The following SPON1 variants were observed in gnomAD, a reference collection of about 807,000 sequenced individuals.
The protein encoded by SPON1 is spondin 1.
A neutral mutation model predicts 111.7 loss-of-function variants in SPON1; 52 were observed. The observed-to-expected ratio is 0.47, with a 90% CI of 0.37 to 0.59. SPON1 has a LOEUF of 0.59. SPON1 is among the 20% of genes least tolerant of loss of function. The pLI is 0.00. For missense variants in SPON1, 957 were observed against 1,068.5 expected (o/e 0.90, Z 1.46); for synonymous variants, 410 against 395.8 (o/e 1.04, Z -0.43).
At chr11:14,101,323 C>T (rs1207732356) in intron 5 of SPON1, among the ~76,000 whole-genome samples, 1 of 152,052 alleles carries the variant, frequency 6.6e-6, no homozygotes, top group Non-Finnish European at 1.5e-5. Context: ...TTGCTTGAAC[C>T]CACGAGGCAG....
intron 2 of SPON1, among the ~76,000 whole-genome samples, chr11:13,996,711 G>GTGTGTATATATATATATA (rs535844829): frequency 6.9e-6 from 1 of 145,142 alleles, no homozygotes; most frequent in African/African-American, 2.8e-5. Flanking sequence ...ACCTATGTGT[G>GTGTGTATATATATATATA]TATATATATA....
chr11:14,264,906 TG>T (rs1554942308), intron 15 of SPON1, among the ~76,000 whole-genome samples: 1 of 152,134 alleles, frequency 6.6e-6, no homozygotes, highest in African/African-American at 2.4e-5. Flanking sequence ...GCCAAGTACT[TG>T]GGGAGTAAGG....
intron 2 of SPON1, among the ~76,000 whole-genome samples, chr11:14,022,340 C>T (rs1410820098): frequency 2.0e-5 from 3 of 152,140 alleles, no homozygotes; most frequent in East Asian, 1.9e-4. Context: ...ATGGAGGATT[C>T]GAATGTGCTT....
At chr11:14,256,854 G>T (rs782806816) in intron 10 of SPON1, among the ~76,000 whole-genome samples, 162 bp downstream of exon 10, 3 of 152,160 alleles carry the variant, frequency 2.0e-5, no homozygotes, top group African/African-American at 4.8e-5. Context: ...CAAGGCCAAG[G>T]TTAGGCCCAA....
intron 6 of SPON1, among the ~76,000 whole-genome samples, chr11:14,145,419 T>C (rs1847705678): frequency 6.6e-6 from 1 of 152,206 alleles, no homozygotes; most frequent in Admixed American, 6.5e-5. Flanking sequence ...AAATATCTAT[T>C]TTTACAGTAA....
chr11:14,104,794 A>C (rs1265020129), intron 5 of SPON1, among the ~76,000 whole-genome samples: 1 of 152,098 alleles, frequency 6.6e-6, no homozygotes, highest in African/African-American at 2.4e-5. Context: ...TTTTGAAGTC[A>C]GTGCTGGTCC....
At chr11:13,983,982 T>G (rs549104623) in intron 2 of SPON1, among the ~76,000 whole-genome samples, 1 of 152,290 alleles carries the variant, frequency 6.6e-6, no homozygotes, top group African/African-American at 2.4e-5. Context: ...AAATTATTTT[T>G]CTGCTCTCTG....
intron 6 of SPON1, among the ~76,000 whole-genome samples, chr11:14,230,903 C>T (rs766663): frequency 0.34 from 51,028 of 151,798 alleles, 8,783 homozygotes; most frequent in East Asian, 0.52. Context: ...ATCCTCCCAC[C>T]TCAGCCTCCT....
At chr11:14,242,561 A>AC (rs2133918040) in intron 6 of SPON1, among the ~76,000 whole-genome samples, 1 of 152,272 alleles carries the variant, frequency 6.6e-6, no homozygotes, top group African/African-American at 2.4e-5. Context: ...AGATCATGGC[A>AC]CCCCTCACCC....
chr11:14,072,268 G>C (rs538899742), intron 3 of SPON1, among the ~76,000 whole-genome samples: 2 of 151,892 alleles, frequency 1.3e-5, no homozygotes, highest in Admixed American at 1.3e-4. Context: ...AGAGGAAATG[G>C]GTTGCCTTAG....
chr11:14,239,650 G>C (rs140412452), intron 6 of SPON1, among the ~76,000 whole-genome samples: 1 of 152,180 alleles, frequency 6.6e-6, no homozygotes, highest in Non-Finnish European at 1.5e-5. Context: ...GCTTGAGCCC[G>C]GGAGGCTGAG....
At chr11:14,055,571 C>T (rs1848739156) in intron 3 of SPON1, among the ~76,000 whole-genome samples, 1 of 152,192 alleles carries the variant, frequency 6.6e-6, no homozygotes. Flanking sequence ...TGTGAGAATC[C>T]TTAGGGAATT....
chr11:14,262,867 C>T lies in SPON1; in HGVS notation c.2152C>T (p.Arg718Ter), dbSNP rs1554942062. Residue 718 changes from arginine (R) to a stop codon, truncating the protein, a stop_gained, in exon 15 of 16, where the codon CGA becomes TGA. Coordinates refer to ENST00000576479, the MANE Select transcript of SPON1 (RefSeq NM_006108.4). LOFTEE classifies it high-confidence loss of function. ...TGTGCAGCGAAAAAAGTGCCGCATC[C>T]GAAAATGCCTTCGAAATCCATCCAT... is the stretch of plus-strand genomic sequence containing the variant. ...ETVQRKKCRI[R>*]KCLRNPSIQK... 3.1e-6 allele frequency: 5 copies of T among 1,613,774 alleles called. No homozygotes were observed. The highest frequency in any genetic ancestry group is 4.2e-6 in the Non-Finnish European group (5 of 1,179,858).
intron 6 of SPON1, among the ~76,000 whole-genome samples, chr11:14,175,838 T>G (rs1848168753): frequency 6.6e-6 from 1 of 152,192 alleles, no homozygotes; most frequent in African/African-American, 2.4e-5. Flanking sequence ...CTTTACTGTC[T>G]TACAGAACCA....
chr11:14,206,759 C>G (rs2133899692), intron 6 of SPON1, among the ~76,000 whole-genome samples: 1 of 152,258 alleles, frequency 6.6e-6, no homozygotes, highest in South Asian at 2.1e-4. Flanking sequence ...GAAAAACATT[C>G]CATGCCCGTG....
chr11:14,152,414 C>A (rs374465385), intron 6 of SPON1, among the ~76,000 whole-genome samples: 4 of 152,182 alleles, frequency 2.6e-5, no homozygotes, highest in Non-Finnish European at 4.4e-5. Context: ...TATTAACTAG[C>A]AAGCCAATGC....
intron 6 of SPON1, among the ~76,000 whole-genome samples, chr11:14,152,214 G>A (rs1015422310): frequency 1.1e-4 from 16 of 152,074 alleles, no homozygotes; most frequent in Admixed American, 8.5e-4. Flanking sequence ...TTTAGACCTC[G>A]GTTCACTGAC....
In SPON1 at chr11:14,259,577, G is replaced by C; in HGVS notation, c.1707G>C (p.Glu569Asp). The change falls in exon 13 of 16, where the codon GAG becomes GAC. Residue 569 changes from glutamate to aspartate, a missense_variant. Coordinates refer to ENST00000576479, the MANE Select transcript of SPON1 (RefSeq NM_006108.4). The surrounding 1 kb of genome is among the most constrained non-coding windows in gnomAD (Gnocchi z 5.0). ...CLMTEWGEWDECSATCGMGMK... is the reference protein window; with the variant it reads ...CLMTEWGEWDDCSATCGMGMK... ...TGACCGAGTGGGGCGAGTGGGACGA[G>C]TGCAGCGCCACCTGCGGCATGGGCA... 1 of 1,552,850 alleles carries C rather than the reference G, an allele frequency of 6.4e-7. No homozygotes were observed. Among genetic ancestry groups the C allele is most frequent in the Non-Finnish European group, 8.7e-7 (1 of 1,148,470 alleles).
chr11:14,152,414 C>CA (rs1847798983), intron 6 of SPON1, among the ~76,000 whole-genome samples: 1 of 152,182 alleles, frequency 6.6e-6, no homozygotes, highest in Non-Finnish European at 1.5e-5. Flanking sequence ...TATTAACTAG[C>CA]AAGCCAATGC....
Sources: allele counts gnomAD v4.1 joint callset (sites outside exome capture counted in the v4.1 genomes callset), GRCh38; gene constraint gnomAD v4.1.1; non-coding constraint Gnocchi (gnomAD v3.1); transcripts MANE v1.5; gene names NCBI Gene and HGNC (gene_info 2026-07-23, HGNC 2026-07-21).